Variants in AGMO observed in about 807,000 individuals in gnomAD.
The protein encoded by AGMO is glyceryl-ether monooxygenase.
A neutral mutation model predicts 60.2 loss-of-function variants in AGMO; 75 were observed. The observed-to-expected ratio is 1.25, with a 90% CI of 1.03 to 1.51. The LOEUF is 1.51. Among genes scored for constraint, AGMO ranks in the 40% most tolerant of loss-of-function variants. The probability of loss-of-function intolerance (pLI) is 0.00; values close to 1 mark genes in which losing one functional copy is unlikely to be tolerated. For missense variants in AGMO, 763 were observed against 525.5 expected (o/e 1.45, Z -4.42); for synonymous variants, 261 against 177.1 (o/e 1.47, Z -3.76).
chr7:15,556,743 T>G (rs10227170), intron 2 of AGMO, among the ~76,000 whole-genome samples: 1 of 152,144 alleles, frequency 6.6e-6, no homozygotes, highest in African/African-American at 2.4e-5. Context: ...GTAAATATTT[T>G]GTTAAATCAA....
intron 10 of AGMO, among the ~76,000 whole-genome samples, chr7:15,382,900 G>A (rs1022265866): frequency 5.3e-5 from 8 of 151,766 alleles, no homozygotes; most frequent in African/African-American, 9.7e-5. Flanking sequence ...TTCAAATCAC[G>A]TATTTATGTG....
At chr7:15,378,167 T>C (rs1015636653) in intron 10 of AGMO, among the ~76,000 whole-genome samples, 3 of 152,020 alleles carry the variant, frequency 2.0e-5, no homozygotes, top group African/African-American at 7.2e-5. Context: ...GCTACAGTAA[T>C]ACAAGTCGAT....
chr7:15,374,495 A>T (rs1054371090), intron 10 of AGMO, among the ~76,000 whole-genome samples: 1 of 152,156 alleles, frequency 6.6e-6, no homozygotes, highest in Admixed American at 6.6e-5. Context: ...CCAAAATATT[A>T]GATATGTAAC....
At chr7:15,372,170 G>C (rs1783246489) in intron 10 of AGMO, among the ~76,000 whole-genome samples, 1 of 152,070 alleles carries the variant, frequency 6.6e-6, no homozygotes, top group African/African-American at 2.4e-5. Context: ...CTAACATGCG[G>C]CTGGGTGTGG....
Position 15,322,683 on chromosome 7 carries a change from T to C in AGMO, c.1263+42831A>G, listed in dbSNP as rs1204086801. 3.7e-5 allele frequency among the ~76,000 whole-genome samples: 3 copies of C among 80,154 alleles called. 1 individual carries two copies. The highest frequency in any genetic ancestry group is 2.2e-4 in the African/African-American group (3 of 13,444). 52.6% of individuals were successfully genotyped at this position (80,154 alleles called of 152,430 possible). On this transcript the variant is annotated intron_variant, in intron 12 of 12. Coordinates refer to ENST00000342526, the MANE Select transcript of AGMO (RefSeq NM_001004320.2). ...ATAAATATATATAAATATATGTATA[T>C]ATAAATATATGAATATGTATAAATA...
intron 12 of AGMO, among the ~76,000 whole-genome samples, chr7:15,352,684 T>C (rs1002470848): frequency 2.0e-5 from 3 of 151,564 alleles, no homozygotes; most frequent in Non-Finnish European, 2.9e-5. Flanking sequence ...CCATAATGAG[T>C]CCCTGTCATG....
chr7:15,149,781 G>T, the AGMO span, among the ~76,000 whole-genome samples: 5 of 152,052 alleles, frequency 3.3e-5, no homozygotes, highest in African/African-American at 1.2e-4. Flanking sequence ...GCTTAGGACT[G>T]CTTTGGCTAT....
intron 3 of AGMO, among the ~76,000 whole-genome samples, chr7:15,447,391 A>C (rs958537110): frequency 6.6e-6 from 1 of 152,228 alleles, no homozygotes. Flanking sequence ...CACTTGCAAC[A>C]TTAAGTAAAA....
chr7:15,281,000 A>G (rs1453432066), intron 12 of AGMO, among the ~76,000 whole-genome samples: 1 of 152,102 alleles, frequency 6.6e-6, no homozygotes, highest in Admixed American at 6.5e-5. Flanking sequence ...TGGCAGCACC[A>G]CTGGGTGGCT....
intron 2 of AGMO, among the ~76,000 whole-genome samples, chr7:15,545,242 G>A (rs1418965231): frequency 6.6e-6 from 1 of 152,052 alleles, no homozygotes; most frequent in East Asian, 1.9e-4. Context: ...AATAGGACAA[G>A]ACTAAAACTT....
intron 12 of AGMO, among the ~76,000 whole-genome samples, chr7:15,248,090 G>C (rs1782802607): frequency 6.8e-6 from 1 of 147,224 alleles, no homozygotes; most frequent in Admixed American, 6.9e-5. Context: ...GCTGATGTAA[G>C]ATGTAGACAA....
chr7:15,530,775 A>ATATATATTCTATATATACATTTCTC lies in AGMO; in HGVS notation c.409+13972_409+13996dup. ...ATAGATATTCTATATATACATTTCTATATATATTCTATATATACATTTCTC... is the reference window on the plus strand; with the variant it reads ...ATAGATATTCTATATATACATTTCTATATATATTCTATATATACATTTCTCTATATATTCTATATATACATTTCTC... On this transcript the variant is annotated intron_variant, in intron 3 of 12. Coordinates refer to ENST00000342526, the MANE Select transcript of AGMO (RefSeq NM_001004320.2). 1.5e-5 allele frequency among the ~76,000 whole-genome samples: 2 copies of ATATATATTCTATATATACATTTCTC among 132,412 alleles called. 1 individual carries two copies. Among genetic ancestry groups the ATATATATTCTATATATACATTTCTC allele is most frequent in the Non-Finnish European group, 3.1e-5 (2 of 64,020 alleles). The allele number at this position is 132,412 out of a possible 152,430, so 86.9% of individuals were successfully genotyped here. A position where few individuals can be genotyped will look rare whatever the true frequency, so the allele number is the denominator to read the frequency against.
intron 3 of AGMO, among the ~76,000 whole-genome samples, chr7:15,432,034 A>G (rs1251425491): frequency 6.6e-6 from 1 of 151,720 alleles, no homozygotes; most frequent in Non-Finnish European, 1.5e-5. Flanking sequence ...TACTCTATTC[A>G]GTTTAAAAAA....
chr7:15,387,932 G>C (rs1259702346), intron 8 of AGMO, among the ~76,000 whole-genome samples: 2 of 137,054 alleles, frequency 1.5e-5, no homozygotes, highest in Non-Finnish European at 1.5e-5. Flanking sequence ...CCCCAAGACA[G>C]AGTCTCGCTC....
At chr7:15,550,379 C>T (rs1457948640) in intron 2 of AGMO, among the ~76,000 whole-genome samples, 1 of 152,026 alleles carries the variant, frequency 6.6e-6, no homozygotes, top group African/African-American at 2.4e-5. Context: ...AATCCAGGAG[C>T]TGGTTTTTTG....
At chr7:15,401,300 A>T (rs1048083138) in intron 5 of AGMO, among the ~76,000 whole-genome samples, 1 of 152,172 alleles carries the variant, frequency 6.6e-6, no homozygotes, top group African/African-American at 2.4e-5. Flanking sequence ...TATATAATTC[A>T]TAATTATTTC....
chr7:15,173,769 G>C, the AGMO span, among the ~76,000 whole-genome samples: 5 of 150,774 alleles, frequency 3.3e-5, no homozygotes, highest in Non-Finnish European at 5.9e-5. Flanking sequence ...AGAGCCAATA[G>C]ATATAAATTT....
intron 5 of AGMO, among the ~76,000 whole-genome samples, chr7:15,394,580 C>G (rs781205775): frequency 2.0e-5 from 3 of 152,180 alleles, no homozygotes; most frequent in Non-Finnish European, 4.4e-5. Flanking sequence ...TTACACACCA[C>G]TATCACCAAG....
chr7:15,276,013 A>G (rs958572703), intron 12 of AGMO, among the ~76,000 whole-genome samples: 1 of 152,084 alleles, frequency 6.6e-6, no homozygotes, highest in African/African-American at 2.4e-5. Context: ...TGGAGCAGAT[A>G]GGCCATTTAT....
Sources: allele counts gnomAD v4.1 joint callset (sites outside exome capture counted in the v4.1 genomes callset), GRCh38; gene constraint gnomAD v4.1.1; transcripts MANE v1.5; gene names NCBI Gene and HGNC (gene_info 2026-07-23, HGNC 2026-07-21).